The following KCNIP4 variants were observed in gnomAD, a reference collection of about 807,000 sequenced individuals.
The protein encoded by KCNIP4 is Kv channel-interacting protein 4.
Under a neutral mutation model 34.0 loss-of-function variants are expected in KCNIP4, and 12 were observed. The observed-to-expected ratio is 0.35, with a 90% CI of 0.23 to 0.57. The LOEUF (loss-of-function observed/expected upper bound fraction) is 0.57, where lower values mean the gene tolerates loss of function less well. Ranked by LOEUF, KCNIP4 falls within the 20% of genes least tolerant of loss-of-function variation. The pLI, the probability that KCNIP4 is intolerant of heterozygous loss-of-function variation, is 0.83. For missense variants in KCNIP4, 238 were observed against 311.7 expected, an observed-to-expected ratio of 0.76 and a Z score of 1.78; for synonymous variants, 124 against 102.2, an observed-to-expected ratio of 1.21 and a Z score of -1.29.
rs547193535 is a variant in KCNIP4, at chr4:21,270,078, C to G, written c.62-387369G>C. Among the ~76,000 whole-genome samples, 10 of 152,218 alleles carry G rather than the reference C, an allele frequency of 6.6e-5. No individual in the cohort carries two copies. The South Asian group carries it at 2.1e-3, about 32-fold the overall frequency. On this transcript the variant is annotated intron_variant, in intron 1 of 8. Coordinates refer to ENST00000382152, the MANE Select transcript of KCNIP4 (RefSeq NM_025221.6). ...TTTGGGATAAGAGCATGAGTGGGAG[C>G]ATTTCATACTCTAGGTAAACAGTTT... is the stretch of plus-strand genomic sequence containing the variant.
chr4:21,214,787 T>C (rs1485860088), intron 1 of KCNIP4, among the ~76,000 whole-genome samples: 1 of 152,206 alleles, frequency 6.6e-6, no homozygotes, highest in African/African-American at 2.4e-5. Flanking sequence ...TCATTTATTA[T>C]CAGTCTGTTT....
intron 1 of KCNIP4, among the ~76,000 whole-genome samples, chr4:21,121,033 G>A (rs1750113674): frequency 6.6e-6 from 1 of 152,148 alleles, no homozygotes; most frequent in Non-Finnish European, 1.5e-5. Context: ...CCCACTGTGT[G>A]CTTTAAAATG....
chr4:21,651,335 G>A (rs930062703), intron 1 of KCNIP4, among the ~76,000 whole-genome samples: 1 of 152,304 alleles, frequency 6.6e-6, no homozygotes, highest in African/African-American at 2.4e-5. Flanking sequence ...GACAGAGAAG[G>A]CAAGGAGAGG....
intron 1 of KCNIP4, among the ~76,000 whole-genome samples, chr4:20,895,057 A>G (rs928921007): frequency 6.6e-6 from 1 of 152,202 alleles, no homozygotes; most frequent in Admixed American, 6.5e-5. Context: ...AGTATCAGGA[A>G]TGTGAACACT....
chr4:21,525,652 G>T (rs1735909657), intron 1 of KCNIP4, among the ~76,000 whole-genome samples: 1 of 152,068 alleles, frequency 6.6e-6, no homozygotes, highest in Admixed American at 6.6e-5. Context: ...TATCACTAGG[G>T]TAATAATTAT....
At chr4:21,258,149 G>A (rs113550422) in intron 1 of KCNIP4, among the ~76,000 whole-genome samples, 1,638 of 152,238 alleles carry the variant, frequency 0.011, 26 homozygotes, top group African/African-American at 0.036. Flanking sequence ...TGAAACAGTA[G>A]GGATGGGAAT....
chr4:21,121,816 C>T (rs1750182866), intron 1 of KCNIP4, among the ~76,000 whole-genome samples: 2 of 152,182 alleles, frequency 1.3e-5, no homozygotes, highest in Admixed American at 1.3e-4. Flanking sequence ...GGACCCCATG[C>T]AAGGATCCCA....
At chr4:21,386,155 C>A (rs184235811) in intron 1 of KCNIP4, among the ~76,000 whole-genome samples, 1 of 152,112 alleles carries the variant, frequency 6.6e-6, no homozygotes, top group Non-Finnish European at 1.5e-5. Flanking sequence ...TATGCAATTG[C>A]ATTTTTCATT....
intron 1 of KCNIP4, among the ~76,000 whole-genome samples, chr4:21,359,652 A>G (rs1057459745): frequency 6.6e-6 from 1 of 152,134 alleles, no homozygotes; most frequent in Non-Finnish European, 1.5e-5. Context: ...AGGTAGTTCC[A>G]TTCTCTTAAA....
chr4:20,835,443 T>C (rs1217409125), intron 3 of KCNIP4, among the ~76,000 whole-genome samples: 1 of 151,936 alleles, frequency 6.6e-6, no homozygotes, highest in African/African-American at 2.4e-5. Context: ...GCCCATTTCT[T>C]TTATTATTAT....
chr4:20,943,735 G>A (rs2149624533), intron 1 of KCNIP4, among the ~76,000 whole-genome samples: 1 of 152,214 alleles, frequency 6.6e-6, no homozygotes, highest in African/African-American at 2.4e-5. Flanking sequence ...GGACCAATGA[G>A]AAACAGTATT....
chr4:21,732,071 G>A (rs1715645475), intron 1 of KCNIP4, among the ~76,000 whole-genome samples: 1 of 150,118 alleles, frequency 6.7e-6, no homozygotes, highest in Admixed American at 6.6e-5. Flanking sequence ...TATAATTTTG[G>A]CTTAGTTTTT....
chr4:21,475,425 T>C (rs964763870), intron 1 of KCNIP4, among the ~76,000 whole-genome samples: 1 of 152,212 alleles, frequency 6.6e-6, no homozygotes, highest in African/African-American at 2.4e-5. Flanking sequence ...TACCTACCTA[T>C]GAACTGATAC....
chr4:20,945,241 C>T (rs145996664), intron 1 of KCNIP4, among the ~76,000 whole-genome samples: 1 of 152,180 alleles, frequency 6.6e-6, no homozygotes, highest in Non-Finnish European at 1.5e-5. Flanking sequence ...GACTTGTGAA[C>T]ACACTGAAGT....
intron 1 of KCNIP4, among the ~76,000 whole-genome samples, chr4:21,242,520 A>C (rs1057162989): frequency 5.9e-5 from 9 of 152,184 alleles, no homozygotes; most frequent in Non-Finnish European, 1.3e-4. Context: ...TCCATGTGAG[A>C]TTAGCATTGG....
chr4:21,054,177 G>A (rs974534041), intron 1 of KCNIP4, among the ~76,000 whole-genome samples: 1 of 152,070 alleles, frequency 6.6e-6, no homozygotes, highest in African/African-American at 2.4e-5. Context: ...GAAGAACAAA[G>A]TTAGAGAACT....
intron 1 of KCNIP4, among the ~76,000 whole-genome samples, chr4:21,858,854 C>T (rs28397222): frequency 0.12 from 17,582 of 152,170 alleles, 3,403 homozygotes; most frequent in African/African-American, 0.4. Flanking sequence ...TGGCTGTTAG[C>T]TGAAACCACA....
intron 1 of KCNIP4, among the ~76,000 whole-genome samples, chr4:21,020,258 T>C (rs377276326): frequency 6.6e-6 from 1 of 152,194 alleles, no homozygotes; most frequent in African/African-American, 2.4e-5. Context: ...CTAAATTATC[T>C]GAGAAAGACA....
chr4:21,672,294 A>G (rs1386983523), intron 1 of KCNIP4, among the ~76,000 whole-genome samples: 1 of 152,154 alleles, frequency 6.6e-6, no homozygotes, highest in African/African-American at 2.4e-5. Flanking sequence ...TTTAAAACAA[A>G]ACAAAACAAA....
Sources: allele counts gnomAD v4.1 joint callset (sites outside exome capture counted in the v4.1 genomes callset), GRCh38; gene constraint gnomAD v4.1.1; transcripts MANE v1.5; gene names NCBI Gene and HGNC (gene_info 2026-07-23, HGNC 2026-07-21).